Variants in AUTS2 observed in about 807,000 individuals in gnomAD.
The protein encoded by AUTS2 is activator of transcription and developmental regulator AUTS2, also known as autism susceptibility gene 2 protein.
Under a neutral mutation model 112.4 loss-of-function variants are expected in AUTS2, and 17 were observed. That is an observed-to-expected ratio of 0.15 (90% CI 0.10 to 0.23). The LOEUF is 0.23. Ranked by LOEUF, AUTS2 falls within the 10% of genes least tolerant of loss-of-function variation. The probability of loss-of-function intolerance (pLI) is 1.00; values close to 1 mark genes in which losing one functional copy is unlikely to be tolerated. For synonymous variants in AUTS2, 751 were observed against 702.7 expected, an observed-to-expected ratio of 1.07 and a Z score of -1.09; for missense variants, 1,510 against 1,701.6, an observed-to-expected ratio of 0.89 and a Z score of 1.98.
intron 1 of AUTS2, among the ~76,000 whole-genome samples, chr7:69,730,130 C>T (rs545435063): frequency 1.3e-5 from 2 of 151,040 alleles, no homozygotes; most frequent in African/African-American, 4.9e-5. Flanking sequence ...GTGTGTGCCA[C>T]TGCACTTGGC....
chr7:69,981,274 G>A (rs1490610329), intron 2 of AUTS2, among the ~76,000 whole-genome samples: 1 of 152,142 alleles, frequency 6.6e-6, no homozygotes, highest in Non-Finnish European at 1.5e-5. Flanking sequence ...CAAAGGAAAC[G>A]AAGATCATCA....
chr7:69,838,387 T>C (rs1791819999), intron 1 of AUTS2, among the ~76,000 whole-genome samples: 1 of 152,206 alleles, frequency 6.6e-6, no homozygotes. Context: ...TTAACTTGCT[T>C]GATCTTCACA....
intron 6 of AUTS2, among the ~76,000 whole-genome samples, chr7:70,750,841 C>T (rs1256361130): frequency 1.3e-5 from 2 of 152,170 alleles, no homozygotes; most frequent in African/African-American, 2.4e-5. Context: ...TGGTAGATGA[C>T]GGACAGTATG....
chr7:69,820,954 T>C (rs1011691785), intron 1 of AUTS2, among the ~76,000 whole-genome samples: 1 of 152,244 alleles, frequency 6.6e-6, no homozygotes, highest in African/African-American at 2.4e-5. Context: ...CCTCTGGCAA[T>C]GGTGCAATTA....
At chr7:69,875,060 T>A (rs1254309305) in intron 1 of AUTS2, among the ~76,000 whole-genome samples, 1 of 152,036 alleles carries the variant, frequency 6.6e-6, no homozygotes, top group Non-Finnish European at 1.5e-5. Context: ...TTTTCATCTT[T>A]CACTGAATTC....
chr7:70,346,731 A>T (rs1791513515), intron 4 of AUTS2, among the ~76,000 whole-genome samples: 1 of 152,108 alleles, frequency 6.6e-6, no homozygotes, highest in Non-Finnish European at 1.5e-5. Flanking sequence ...TTTTATAATC[A>T]CCGAACTTTG....
intron 4 of AUTS2, among the ~76,000 whole-genome samples, chr7:70,399,304 T>C (rs1173654844): frequency 6.6e-6 from 1 of 152,182 alleles, no homozygotes; most frequent in African/African-American, 2.4e-5. Flanking sequence ...CTTCCTTTTT[T>C]AGTGTGTGAC....
Position 70,595,171 on chromosome 7 carries a change from G to C in AUTS2, c.691-103398G>C, listed in dbSNP as rs1344625231. ...CCAAGCTGGCACTGCAGCAACCGCT[G>C]TTAGGGGGCTTGGTGCCATTTGCAA... On this transcript the variant is annotated intron_variant, in intron 5 of 18. Coordinates refer to ENST00000342771, the MANE Select transcript of AUTS2 (RefSeq NM_015570.4). Among the ~76,000 whole-genome samples, 4 of 152,110 alleles carry C rather than the reference G, an allele frequency of 2.6e-5. No homozygotes were observed. In the South Asian group the frequency reaches 6.2e-4, roughly 24 times the overall value.
Position 70,704,347 on chromosome 7 carries a change from C to G in AUTS2, c.742+5727C>G, listed in dbSNP as rs759763579. Among the ~76,000 whole-genome samples the G allele has an allele frequency of 4.6e-4, 70 of 152,132 alleles. 1 individual carries two copies. Among genetic ancestry groups the G allele is most frequent in the Admixed American group, 4.6e-4 (7 of 15,278 alleles). On this transcript the variant is annotated intron_variant, in intron 6 of 18. Coordinates refer to ENST00000342771, the MANE Select transcript of AUTS2 (RefSeq NM_015570.4). ...TGCCACTTTTCCATCCTGAGTGCCC[C>G]TGTGATGGAGGAGGCGTAGATTACA...
chr7:69,658,892 A>G (rs1584023120), intron 1 of AUTS2, among the ~76,000 whole-genome samples: 3 of 152,358 alleles, frequency 2.0e-5, no homozygotes, highest in Admixed American at 2.0e-4. Flanking sequence ...TTTGAGAACC[A>G]CTATGAAATT....
intron 1 of AUTS2, among the ~76,000 whole-genome samples, chr7:69,607,483 G>C (rs1792793010): frequency 6.6e-6 from 1 of 152,154 alleles, no homozygotes; most frequent in African/African-American, 2.4e-5. Flanking sequence ...TATTTGAACT[G>C]TGACAATCTG....
chr7:70,084,871 T>A (rs1412982643), intron 2 of AUTS2, among the ~76,000 whole-genome samples: 2 of 152,114 alleles, frequency 1.3e-5, no homozygotes, highest in Non-Finnish European at 1.5e-5. Context: ...GGTTGTTTTT[T>A]AATTTTTATT....
At chr7:70,226,535 A>AT (rs1294607249) in intron 4 of AUTS2, among the ~76,000 whole-genome samples, 2 of 151,774 alleles carry the variant, frequency 1.3e-5, no homozygotes, top group Middle Eastern at 3.4e-3. Context: ...ATTACAGATT[A>AT]TTTTTTAACA....
At position 70,569,021 on chromosome 7, in the gene AUTS2, T is replaced by C. The variant is rs139772170; in HGVS notation, c.691-129548T>C. ...TCATTTATAACCCAGTGATGTCCAG[T>C]GTCTGAGCCGTGCTATCAGCATGGT... On this transcript the variant is annotated intron_variant, in intron 5 of 18. Transcript: ENST00000342771. 5.3e-3 allele frequency among the ~76,000 whole-genome samples: 806 copies of C among 152,344 alleles called. 8 individuals carry two copies. Among genetic ancestry groups the C allele is most frequent in the African/African-American group, 0.018 (762 of 41,590 alleles).
chr7:69,850,838 G>T (rs1792445499), intron 1 of AUTS2, among the ~76,000 whole-genome samples: 1 of 152,138 alleles, frequency 6.6e-6, no homozygotes, highest in African/African-American at 2.4e-5. Flanking sequence ...CAGAGCAAAG[G>T]TTTTTAATTT....
intron 1 of AUTS2, among the ~76,000 whole-genome samples, chr7:69,735,925 C>G (rs1277288704): frequency 6.6e-6 from 1 of 152,160 alleles, no homozygotes; most frequent in Non-Finnish European, 1.5e-5. Flanking sequence ...CATAAAAAGT[C>G]TGTGATCTCT....
intron 2 of AUTS2, among the ~76,000 whole-genome samples, chr7:69,975,729 C>T (rs1414460313): frequency 6.6e-6 from 1 of 151,676 alleles, no homozygotes; most frequent in Non-Finnish European, 1.5e-5. Flanking sequence ...GCTCGGTCCC[C>T]CAGGCTGGAG....
At chr7:70,739,950 C>T (rs1252102042) in intron 6 of AUTS2, among the ~76,000 whole-genome samples, 2 of 152,134 alleles carry the variant, frequency 1.3e-5, no homozygotes, top group South Asian at 2.1e-4. Flanking sequence ...GCAGTATTCC[C>T]GGCCCTCCTG....
At chr7:70,535,564 G>A (rs1324839102) in intron 5 of AUTS2, among the ~76,000 whole-genome samples, 1 of 151,944 alleles carries the variant, frequency 6.6e-6, no homozygotes, top group African/African-American at 2.4e-5. Context: ...ACAGGCACCC[G>A]CCACCCCACC....
Sources: gnomAD v4.1 joint callset for allele counts (sites outside exome capture counted in the v4.1 genomes callset) on GRCh38, gnomAD v4.1.1 for gene constraint, MANE v1.5 for transcripts, NCBI Gene and HGNC (gene_info 2026-07-23, HGNC 2026-07-21) for gene names.